TRPC4: variants seen among roughly 807,000 people sequenced by gnomAD.
The protein encoded by TRPC4 is short transient receptor potential channel 4.
Under a neutral mutation model 99.4 loss-of-function variants are expected in TRPC4, and 49 were observed. The observed-to-expected ratio is 0.49, with a 90% CI of 0.39 to 0.63. The LOEUF (loss-of-function observed/expected upper bound fraction) is 0.63, where lower values mean the gene tolerates loss of function less well. Among genes scored for constraint, TRPC4 ranks in the 20% least tolerant of loss-of-function variants. The probability of loss-of-function intolerance (pLI) is 0.00; values close to 1 mark genes in which losing one functional copy is unlikely to be tolerated. For missense variants in TRPC4, 898 were observed against 1,152.9 expected (o/e 0.78, Z 3.20); for synonymous variants, 454 against 425.9 (o/e 1.07, Z -0.81).
chr13:37,863,087 A>T (rs1236767417), intron 1 of TRPC4, among the ~76,000 whole-genome samples: 1 of 151,512 alleles, frequency 6.6e-6, no homozygotes, highest in Non-Finnish European at 1.5e-5. Flanking sequence ...TAGCCTAGGT[A>T]TGTAGTAAGC....
intron 2 of TRPC4, among the ~76,000 whole-genome samples, chr13:37,759,819 T>C (rs1282861874): frequency 6.6e-6 from 1 of 151,936 alleles, no homozygotes; most frequent in African/African-American, 2.4e-5. Context: ...AAGTCTTACC[T>C]CAGGAAATGC....
intron 1 of TRPC4, among the ~76,000 whole-genome samples, chr13:37,824,677 T>C (rs955296483): frequency 1.3e-5 from 2 of 152,092 alleles, no homozygotes; most frequent in African/African-American, 4.8e-5. Flanking sequence ...CGGTTTGCCA[T>C]TATTTTATTG....
rs974821520 is a variant in TRPC4, at chr13:37,697,754, A to G, written c.898-5419T>C. On this transcript the variant is annotated intron_variant, in intron 3 of 10. Coordinates refer to ENST00000379705, the MANE Select transcript of TRPC4 (RefSeq NM_016179.4). ...CCCACTTCAAATCTGCTGAATAAAA[A>G]TCTGCATAGCATGATTCCTATGAAT... is the stretch of plus-strand genomic sequence containing the variant. Among the ~76,000 whole-genome samples the G allele has an allele frequency of 2.0e-5, 3 of 152,322 alleles. No homozygotes were observed. The East Asian group carries it at 5.8e-4, about 29-fold the overall frequency.
chr13:37,846,780 T>G (rs189879909), intron 1 of TRPC4, among the ~76,000 whole-genome samples: 34 of 152,118 alleles, frequency 2.2e-4, no homozygotes, highest in Middle Eastern at 3.4e-3. Context: ...CTGAATGGAT[T>G]AAAAAACAAG....
rs1370994970 is a variant in TRPC4 at position 37,677,083 on chromosome 13, G to C, written c.1235-2716C>G. Among the ~76,000 whole-genome samples, 3 of 152,056 alleles carry C rather than the reference G, an allele frequency of 2.0e-5. No homozygotes were observed. In the East Asian group the frequency reaches 5.8e-4, roughly 29 times the overall value. On this transcript the variant is annotated intron_variant, in intron 4 of 10. Transcript: ENST00000379705. ...ATAATGACATTAGCACAGAAGATGA[G>C]AATTACAAGCCTCCCGTCATAAGGT...
chr13:37,654,242 T>C (rs1025052667), intron 7 of TRPC4, among the ~76,000 whole-genome samples: 5 of 152,120 alleles, frequency 3.3e-5, no homozygotes, highest in Admixed American at 1.3e-4. Flanking sequence ...AAAGGTGTAA[T>C]GGAATGTAAT....
chr13:37,680,241 C>A (rs899840611), intron 4 of TRPC4, among the ~76,000 whole-genome samples: 1 of 152,158 alleles, frequency 6.6e-6, no homozygotes, highest in Non-Finnish European at 1.5e-5. Flanking sequence ...TCTTGCTTGA[C>A]ACTGCCAATT....
intron 1 of TRPC4, among the ~76,000 whole-genome samples, chr13:37,835,300 G>A (rs1454472245): frequency 6.6e-6 from 1 of 152,044 alleles, no homozygotes; most frequent in African/African-American, 2.4e-5. Context: ...GGCGTTCATT[G>A]TAAAATATGA....
At chr13:37,653,236 G>A (rs1237399767) in intron 7 of TRPC4, among the ~76,000 whole-genome samples, 1 of 152,002 alleles carries the variant, frequency 6.6e-6, no homozygotes, top group Non-Finnish European at 1.5e-5. Flanking sequence ...GCATGTTTAT[G>A]GCATATAGTA....
At chr13:37,713,167 G>C (rs976924459) in intron 3 of TRPC4, among the ~76,000 whole-genome samples, 1 of 152,180 alleles carries the variant, frequency 6.6e-6, no homozygotes, top group African/African-American at 2.4e-5. Flanking sequence ...GCTCCTTATA[G>C]ATGTGGTATT....
chr13:37,738,815 A>G (rs1955487790), intron 3 of TRPC4, among the ~76,000 whole-genome samples: 1 of 152,146 alleles, frequency 6.6e-6, no homozygotes, highest in Non-Finnish European at 1.5e-5. Flanking sequence ...AAAACTGAAA[A>G]TTTAGGCAGA....
rs1306588171 is a variant in TRPC4, at chr13:37,634,639, T to A, written c.*2264A>T. ...GGAACAGAGAGAATTTGAAATTAAA[T>A]TCTGGTAAAGTATGTAAAATGGTTA... On this transcript the variant is annotated 3_prime_UTR_variant, in exon 11 of 11. Coordinates refer to ENST00000379705, the MANE Select transcript of TRPC4 (RefSeq NM_016179.4). 2.0e-5 allele frequency among the ~76,000 whole-genome samples: 3 copies of A among 152,100 alleles called. No homozygotes were observed. The highest frequency in any genetic ancestry group is 1.3e-4 in the Admixed American group (2 of 15,236).
At position 37,700,831 on chromosome 13, in the gene TRPC4, A is replaced by G. The variant is rs115511594; in HGVS notation, c.898-8496T>C. ...AGCAGAATTTTTAAACTGTAGCCTT[A>G]AGGTTGAGAATAAGATCACTTCCTT... On this transcript the variant is annotated intron_variant, in intron 3 of 10. Coordinates refer to ENST00000379705, the MANE Select transcript of TRPC4 (RefSeq NM_016179.4). 5.3e-3 allele frequency among the ~76,000 whole-genome samples: 802 copies of G among 152,258 alleles called. 11 individuals are homozygous for G. The highest frequency in any genetic ancestry group is 0.019 in the African/African-American group (778 of 41,552).
At position 37,715,287 on chromosome 13, in the gene TRPC4, C is replaced by T. The variant is rs564506893; in HGVS notation, c.898-22952G>A. On this transcript the variant is annotated intron_variant, in intron 3 of 10. Transcript: ENST00000379705. ...AGGCCAGATATGCATATCTCTATGT[C>T]AACATATAGACCTGTAGGAAATCAA... Among the ~76,000 whole-genome samples the T allele has an allele frequency of 1.2e-4, 18 of 152,236 alleles. 1 individual carries two copies. In the South Asian group the frequency reaches 1.5e-3, roughly 12 times the overall value.
In TRPC4 at chr13:37,821,526, C is replaced by T. The variant is rs559765112; in HGVS notation, c.-27-38166G>A. Among the ~76,000 whole-genome samples the T allele has an allele frequency of 2.6e-5, 4 of 152,132 alleles. No homozygotes were observed. The South Asian group carries it at 8.3e-4, about 32-fold the overall frequency. On this transcript the variant is annotated intron_variant, in intron 1 of 10. Coordinates refer to ENST00000379705, the MANE Select transcript of TRPC4 (RefSeq NM_016179.4). Reference sequence around the variant, plus strand: ...CCAAGGAAATCCTAAGCAAAAAGAACAAAACTGAAGGCATCACATTGCTTG... The same window carrying T: ...CCAAGGAAATCCTAAGCAAAAAGAATAAAACTGAAGGCATCACATTGCTTG...
intron 2 of TRPC4, among the ~76,000 whole-genome samples, chr13:37,758,083 T>G (rs1956138912): frequency 6.6e-6 from 1 of 151,950 alleles, no homozygotes; most frequent in Non-Finnish European, 1.5e-5. Flanking sequence ...CCATATTATT[T>G]TAAAATCATT....
At chr13:37,675,824 T>C (rs748991886) in intron 4 of TRPC4, among the ~76,000 whole-genome samples, 2 of 151,556 alleles carry the variant, frequency 1.3e-5, no homozygotes, top group Non-Finnish European at 1.5e-5. Context: ...CATCAGAGAG[T>C]TTTCCTGCCC....
intron 1 of TRPC4, among the ~76,000 whole-genome samples, chr13:37,837,537 A>G (rs1349020640): frequency 6.6e-6 from 1 of 152,202 alleles, no homozygotes; most frequent in Non-Finnish European, 1.5e-5. Flanking sequence ...TGGATTTCAG[A>G]CTTGCATGGG....
chr13:37,667,781 C>A (rs1952697997), intron 5 of TRPC4, among the ~76,000 whole-genome samples: 2 of 152,218 alleles, frequency 1.3e-5, no homozygotes, highest in African/African-American at 4.8e-5. Flanking sequence ...AATTAGACAC[C>A]TAATGTTTTG....
Sources: gnomAD v4.1 joint callset for allele counts (sites outside exome capture counted in the v4.1 genomes callset) on GRCh38, gnomAD v4.1.1 for gene constraint, MANE v1.5 for transcripts, NCBI Gene and HGNC (gene_info 2026-07-23, HGNC 2026-07-21) for gene names.